Variants in GRID1 observed in about 807,000 individuals in gnomAD.
GRID1 encodes glutamate receptor ionotropic, delta-1.
Under a neutral mutation model 98.0 loss-of-function variants are expected in GRID1, and 28 were observed. The observed-to-expected ratio is 0.29, with a 90% CI of 0.21 to 0.39. The LOEUF is 0.39. Ranked by LOEUF, GRID1 falls within the 10% of genes least tolerant of loss-of-function variation. GRID1 has a pLI of 1.00. For missense variants in GRID1, 1,111 were observed against 1,340.5 expected (o/e 0.83, Z 2.67); for synonymous variants, 553 against 538.5 (o/e 1.03, Z -0.37).
In GRID1 at chr10:86,033,341, G is replaced by T. The variant is rs528602654; in HGVS notation, c.726+105478C>A. Among the ~76,000 whole-genome samples, 7 of 149,972 alleles carry T rather than the reference G, an allele frequency of 4.7e-5. No homozygotes were observed. The East Asian group carries it at 1.4e-3, about 31-fold the overall frequency. The stretch of plus-strand genomic sequence containing the variant: ...GAGCACTTGCTGCCCGGCTTGGTAC[G>T]CTCCTCAGAGGGAGAGAGGAGCTAG... On this transcript the variant is annotated intron_variant, in intron 4 of 15. Coordinates refer to ENST00000327946, the MANE Select transcript of GRID1 (RefSeq NM_017551.3).
At chr10:85,834,645 AG>A (rs1015305651) in intron 8 of GRID1, among the ~76,000 whole-genome samples, 8 of 152,172 alleles carry the variant, frequency 5.3e-5, no homozygotes, top group African/African-American at 1.7e-4. Context: ...TGAAAGGTAA[AG>A]GTACCTAAAT....
intron 12 of GRID1, among the ~76,000 whole-genome samples, chr10:85,704,142 C>A (rs1295836425): frequency 6.6e-6 from 1 of 152,086 alleles, no homozygotes; most frequent in Non-Finnish European, 1.5e-5. Context: ...ATGAAATGGG[C>A]TAAATGCTCC....
At chr10:86,199,296 C>A (rs1845915962) in intron 3 of GRID1, among the ~76,000 whole-genome samples, 1 of 152,142 alleles carries the variant, frequency 6.6e-6, no homozygotes, top group South Asian at 2.1e-4. Flanking sequence ...TACTTCTACT[C>A]AGTACATAAG....
intron 4 of GRID1, among the ~76,000 whole-genome samples, chr10:86,056,893 G>A (rs1843581361): frequency 6.6e-6 from 1 of 152,242 alleles, no homozygotes; most frequent in Admixed American, 6.5e-5. Flanking sequence ...CAAAGACAGA[G>A]CCTCATTTGA....
At chr10:86,296,161 C>T (rs1193744871) in intron 2 of GRID1, among the ~76,000 whole-genome samples, 2 of 152,236 alleles carry the variant, frequency 1.3e-5, no homozygotes, top group East Asian at 3.9e-4. Flanking sequence ...CATCTGAGAA[C>T]CAACACTCAG....
At chr10:85,740,761 T>A (rs1269898670) in intron 8 of GRID1, among the ~76,000 whole-genome samples, 1 of 152,034 alleles carries the variant, frequency 6.6e-6, no homozygotes. Flanking sequence ...CTGTACTTTT[T>A]TTTTTTTTGC....
chr10:86,213,892 T>C (rs1846141018), intron 2 of GRID1, among the ~76,000 whole-genome samples: 1 of 152,162 alleles, frequency 6.6e-6, no homozygotes, highest in East Asian at 1.9e-4. Context: ...CACCAGTTCC[T>C]AACCCTTCTC....
chr10:85,817,094 A>G (rs944548663), intron 8 of GRID1, among the ~76,000 whole-genome samples: 9 of 152,224 alleles, frequency 5.9e-5, no homozygotes, highest in African/African-American at 2.2e-4. Context: ...TACTTTATCC[A>G]GTCTGCCATT....
At chr10:85,709,601 G>A (rs1841560682) in intron 12 of GRID1, among the ~76,000 whole-genome samples, 1 of 152,288 alleles carries the variant, frequency 6.6e-6, no homozygotes, top group East Asian at 1.9e-4. Context: ...TGAAGGACAA[G>A]TGCCCTCCAC....
chr10:86,330,608 C>T (rs536390808), intron 2 of GRID1, among the ~76,000 whole-genome samples: 1 of 152,330 alleles, frequency 6.6e-6, no homozygotes, highest in East Asian at 1.9e-4. Context: ...CATCAGGATC[C>T]GTCCCCACAG....
At chr10:85,885,482 A>G (rs1407827689) in intron 5 of GRID1, among the ~76,000 whole-genome samples, 1 of 152,222 alleles carries the variant, frequency 6.6e-6, no homozygotes, top group East Asian at 1.9e-4. Flanking sequence ...CAAAAATGTG[A>G]TGAATTACTG....
intron 2 of GRID1, among the ~76,000 whole-genome samples, chr10:86,322,054 G>C (rs1051977211): frequency 1.3e-5 from 2 of 151,944 alleles, no homozygotes; most frequent in Non-Finnish European, 2.9e-5. Flanking sequence ...ACAGAGAGAG[G>C]GGAGAGGCTA....
chr10:85,919,525 C>T (rs575257721), intron 4 of GRID1, among the ~76,000 whole-genome samples: 17 of 152,292 alleles, frequency 1.1e-4, no homozygotes, highest in South Asian at 4.1e-4. Context: ...CATCAACCCG[C>T]GCCACTCCAG....
intron 3 of GRID1, among the ~76,000 whole-genome samples, chr10:86,172,186 T>G (rs1331384349): frequency 6.6e-6 from 1 of 151,354 alleles, no homozygotes; most frequent in Non-Finnish European, 1.5e-5. Context: ...CCCTAGCCCC[T>G]GGCAGCCACT....
chr10:85,719,193 A>C (rs951979242), intron 12 of GRID1, among the ~76,000 whole-genome samples: 5 of 152,148 alleles, frequency 3.3e-5, no homozygotes, highest in Non-Finnish European at 7.3e-5. Context: ...TGTTTGTTTC[A>C]CTATCAGCAT....
chr10:86,294,854 T>A (rs1446514313), intron 2 of GRID1, among the ~76,000 whole-genome samples: 1 of 151,800 alleles, frequency 6.6e-6, no homozygotes, highest in East Asian at 1.9e-4. Flanking sequence ...GACATGCCAG[T>A]GTTTTGAGGT....
chr10:85,629,867 C>T (rs1157318849), intron 13 of GRID1, among the ~76,000 whole-genome samples: 2 of 152,168 alleles, frequency 1.3e-5, no homozygotes, highest in Middle Eastern at 6.3e-3. Flanking sequence ...TCCTCACTAA[C>T]ATCTGTTATT....
intron 8 of GRID1, among the ~76,000 whole-genome samples, chr10:85,773,318 G>A (rs1266586779): frequency 6.6e-6 from 1 of 152,086 alleles, no homozygotes; most frequent in African/African-American, 2.4e-5. Flanking sequence ...TTGATGGGAT[G>A]TATCTCAAAA....
At position 86,193,330 on chromosome 10, in the gene GRID1, G is replaced by T. The variant is rs550446669; in HGVS notation, c.520+13034C>A. Among the ~76,000 whole-genome samples, 351 of 152,266 alleles carry T rather than the reference G, an allele frequency of 2.3e-3. 1 individual carries two copies. Among genetic ancestry groups the T allele is most frequent in the Middle Eastern group, 0.01 (3 of 294 alleles). ...ACTGTGGTTGTGTGCCTGGCACAGA[G>T]TAACTACACAGTGAATGTTTGATTC... On this transcript the variant is annotated intron_variant, in intron 3 of 15. Coordinates refer to ENST00000327946, the MANE Select transcript of GRID1 (RefSeq NM_017551.3).
Sources: gnomAD v4.1 joint callset for allele counts (sites outside exome capture counted in the v4.1 genomes callset) on GRCh38, gnomAD v4.1.1 for gene constraint, MANE v1.5 for transcripts, NCBI Gene and HGNC (gene_info 2026-07-23, HGNC 2026-07-21) for gene names.